KLRG1: variants seen among roughly 807,000 people sequenced by gnomAD.
The protein encoded by KLRG1 is killer cell lectin-like receptor subfamily G member 1.
A neutral mutation model predicts 21.8 loss-of-function variants in KLRG1; 16 were observed. The ratio of observed to expected loss-of-function variants is 0.73; its 90% CI spans 0.50 to 1.11. The LOEUF (loss-of-function observed/expected upper bound fraction) is 1.11, where lower values mean the gene tolerates loss of function less well. Among genes scored for constraint, KLRG1 ranks in the 50% most tolerant of loss-of-function variants. KLRG1 has a pLI of 0.00. For missense variants in KLRG1, 173 were observed against 218.3 expected, an observed-to-expected ratio of 0.79 and a Z score of 1.31; for synonymous variants, 69 against 75.9, an observed-to-expected ratio of 0.91 and a Z score of 0.47.
At chr12:9,109,418 G>A in the KLRG1 span, 8 of 1,602,034 alleles carry the variant, frequency 5.0e-6, no homozygotes, top group Non-Finnish European at 6.8e-6. Flanking sequence ...GTTGATTGGT[G>A]ATAAAGAAGG....
At chr12:9,089,875 G>C in the KLRG1 span, 1 of 1,523,908 alleles carries the variant, frequency 6.6e-7, no homozygotes, top group Non-Finnish European at 9.0e-7. Flanking sequence ...TATTATTGTG[G>C]ACTATATATT....
chr12:9,173,647 T>C, the KLRG1 span, among the ~76,000 whole-genome samples: 2 of 152,174 alleles, frequency 1.3e-5, no homozygotes, highest in African/African-American at 4.8e-5. Flanking sequence ...TAGGGGAATA[T>C]CACCACTGAC....
At chr12:9,069,345 A>G in the KLRG1 span, among the ~76,000 whole-genome samples, 8 of 152,334 alleles carry the variant, frequency 5.3e-5, no homozygotes, top group African/African-American at 1.9e-4. Flanking sequence ...TTATTATTTT[A>G]TGGTTCAAGT....
the KLRG1 span, chr12:9,128,112 G>T: frequency 1.0e-5 from 2 of 191,014 alleles, 1 homozygote; most frequent in Middle Eastern, 3.7e-3. Context: ...CACATCCAAG[G>T]CCTGCAGGAG....
chr12:9,037,001 C>A, the KLRG1 span: 1 of 192,142 alleles, frequency 5.2e-6, no homozygotes. Context: ...GTAAACCTTG[C>A]TCGGACATCA....
At chr12:9,087,929 A>G in the KLRG1 span, among the ~76,000 whole-genome samples, 1 of 152,124 alleles carries the variant, frequency 6.6e-6, no homozygotes, top group Non-Finnish European at 1.5e-5. Flanking sequence ...TTAACTAACT[A>G]ATTTTTTAAA....
the KLRG1 span, among the ~76,000 whole-genome samples, chr12:9,138,609 C>G: frequency 1.3e-5 from 2 of 151,924 alleles, no homozygotes; most frequent in Non-Finnish European, 2.9e-5. Flanking sequence ...TAGAATCTAC[C>G]TGTGAAGCTA....
At chr12:9,212,656 CAG>C in the KLRG1 span, among the ~76,000 whole-genome samples, 1 of 151,072 alleles carries the variant, frequency 6.6e-6, no homozygotes. Context: ...TGAAATGGGA[CAG>C]TGAAAGAGAA....
chr12:9,107,656 A>C, the KLRG1 span: 1 of 1,613,002 alleles, frequency 6.2e-7, no homozygotes, highest in Non-Finnish European at 8.5e-7. Context: ...TGTCATGAGA[A>C]CATTCCCAAA....
At chr12:9,113,553 A>C in the KLRG1 span, 1 of 1,611,438 alleles carries the variant, frequency 6.2e-7, no homozygotes, top group African/African-American at 1.3e-5. Flanking sequence ...CCTGGGAATG[A>C]GACGGTTCAG....
chr12:9,148,209 TACTTC>T, the KLRG1 span, among the ~76,000 whole-genome samples: 2 of 152,214 alleles, frequency 1.3e-5, no homozygotes, highest in African/African-American at 4.8e-5. Flanking sequence ...ACATGTACAT[TACTTC>T]ATATAGTTGT....
the KLRG1 span, chr12:9,115,799 G>A: frequency 6.2e-7 from 1 of 1,613,482 alleles, no homozygotes; most frequent in Non-Finnish European, 8.5e-7. Flanking sequence ...TGGGCAGGAG[G>A]ACCAAGAGGA....
chr12:9,105,782 T>C, the KLRG1 span, among the ~76,000 whole-genome samples: 1 of 152,232 alleles, frequency 6.6e-6, no homozygotes, highest in Non-Finnish European at 1.5e-5. Flanking sequence ...AACATTATTG[T>C]AGAATCTTTA....
the KLRG1 span, among the ~76,000 whole-genome samples, chr12:9,097,253 C>A: frequency 6.6e-6 from 1 of 151,994 alleles, no homozygotes; most frequent in Admixed American, 6.5e-5. Context: ...GTTAAAATCC[C>A]ATTAGAAGGA....
chr12:9,054,120 T>C, the KLRG1 span, among the ~76,000 whole-genome samples: 1 of 152,240 alleles, frequency 6.6e-6, no homozygotes, highest in Non-Finnish European at 1.5e-5. Context: ...TCTGTTATTG[T>C]GCACTGGTCA....
the KLRG1 span, chr12:9,065,151 T>TCCCCCCCCCCC: frequency 3.4e-3 from 177 of 52,652 alleles, no homozygotes; most frequent in African/African-American, 4.6e-3. Flanking sequence ...ATTCCCTTCC[T>TCCCCCCCCCCC]CCCCCCCCCC....
chr12:8,950,693 T>C (rs1156505559), intron 1 of KLRG1, among the ~76,000 whole-genome samples: 1 of 152,060 alleles, frequency 6.6e-6, no homozygotes, highest in Non-Finnish European at 1.5e-5. Flanking sequence ...GTGTTTTGAG[T>C]CTAATAATAA....
chr12:9,031,807 T>G, the KLRG1 span, among the ~76,000 whole-genome samples: 1 of 152,154 alleles, frequency 6.6e-6, no homozygotes, highest in Admixed American at 6.5e-5. Flanking sequence ...TAAAGGTAAA[T>G]TTAAATCTTT....
chr12:9,213,698 A>C, the KLRG1 span, among the ~76,000 whole-genome samples: 1 of 152,086 alleles, frequency 6.6e-6, no homozygotes, highest in Admixed American at 6.5e-5. Flanking sequence ...TTTATTGTTG[A>C]ATTGTAAGAG....
Sources: gnomAD v4.1 joint callset for allele counts (sites outside exome capture counted in the v4.1 genomes callset) on GRCh38, gnomAD v4.1.1 for gene constraint, MANE v1.5 for transcripts, NCBI Gene and HGNC (gene_info 2026-07-23, HGNC 2026-07-21) for gene names.